Variants in BARX2 observed in about 807,000 individuals in gnomAD.
BARX2 encodes the protein BARX homeobox 2.
A neutral mutation model predicts 25.5 loss-of-function variants in BARX2; 11 were observed. The ratio of observed to expected loss-of-function variants is 0.43; its 90% CI spans 0.27 to 0.71. The LOEUF (loss-of-function observed/expected upper bound fraction) is 0.71, where lower values mean the gene tolerates loss of function less well. Among genes scored for constraint, BARX2 ranks in the 30% least tolerant of loss-of-function variants. BARX2 has a pLI of 0.19. For synonymous variants in BARX2, 137 were observed against 149.5 expected (o/e 0.92, Z 0.61); for missense variants, 360 against 359.9 (o/e 1.00, Z 0.00).
In BARX2 at chr11:129,451,433, T is replaced by TG. The variant is rs1862400249; in HGVS notation, c.*35dup. 1.3e-6 allele frequency: 2 copies of TG among 1,596,604 alleles called. No individual in the cohort carries two copies. Among genetic ancestry groups the TG allele is most frequent in the South Asian group, 2.2e-5 (2 of 89,680 alleles). On this transcript the variant is annotated 3_prime_UTR_variant, in exon 4 of 4. Transcript: ENST00000281437. ...AACCCTTTTGAGGGAAGAGGGAGAC[T>TG]GGGGAGAAGGGAAAAGAGAGAAGGC... is the stretch of plus-strand genomic sequence containing the variant.
At chr11:129,449,885 G>A (rs1294916604) in intron 3 of BARX2, among the ~76,000 whole-genome samples, 2 of 152,154 alleles carry the variant, frequency 1.3e-5, no homozygotes, top group African/African-American at 2.4e-5. Context: ...TAGGGCACAC[G>A]GCAGAGGGCA....
At chr11:129,398,798 A>G (rs749109808) in intron 1 of BARX2, among the ~76,000 whole-genome samples, 4 of 152,196 alleles carry the variant, frequency 2.6e-5, no homozygotes, top group Non-Finnish European at 5.9e-5. Context: ...CATTGTTAGT[A>G]AAAGCTAAGT....
chr11:129,377,046 A>G (rs553432737), intron 1 of BARX2, among the ~76,000 whole-genome samples: 1 of 152,376 alleles, frequency 6.6e-6, no homozygotes, highest in East Asian at 1.9e-4. Context: ...CGGCATTGTT[A>G]GGATTTAGGT....
intron 1 of BARX2, among the ~76,000 whole-genome samples, chr11:129,385,804 C>T (rs1861611782): frequency 6.6e-6 from 1 of 152,166 alleles, no homozygotes; most frequent in African/African-American, 2.4e-5. Context: ...TGAAATTTTT[C>T]ATAACATGAA....
At chr11:129,397,882 C>T (rs1231605423) in intron 1 of BARX2, among the ~76,000 whole-genome samples, 3 of 152,204 alleles carry the variant, frequency 2.0e-5, no homozygotes, top group Non-Finnish European at 4.4e-5. Flanking sequence ...CTAGCAGAGG[C>T]AGAACATTTC....
At chr11:129,401,782 C>A (rs1187167579) in intron 1 of BARX2, among the ~76,000 whole-genome samples, 3 of 151,994 alleles carry the variant, frequency 2.0e-5, no homozygotes, top group Non-Finnish European at 4.4e-5. Flanking sequence ...ATGGTGAAAC[C>A]CCGTCTCTGC....
chr11:129,394,879 G>T (rs1432940170), intron 1 of BARX2, among the ~76,000 whole-genome samples: 1 of 151,160 alleles, frequency 6.6e-6, no homozygotes, highest in East Asian at 1.9e-4. Context: ...ATAATCTGCA[G>T]AGCTGTGCAA....
intron 1 of BARX2, among the ~76,000 whole-genome samples, chr11:129,399,097 A>G (rs1271994073): frequency 2.0e-5 from 3 of 152,218 alleles, no homozygotes; most frequent in African/African-American, 7.2e-5. Flanking sequence ...GACTACCTAT[A>G]TGATGGTCCC....
At chr11:129,425,945 A>G (rs1862057175) in intron 1 of BARX2, among the ~76,000 whole-genome samples, 1 of 151,286 alleles carries the variant, frequency 6.6e-6, no homozygotes, top group African/African-American at 2.4e-5. Flanking sequence ...TGGATTTTAG[A>G]ATAAATTTAT....
intron 1 of BARX2, among the ~76,000 whole-genome samples, chr11:129,385,152 T>C (rs753758743): frequency 6.6e-5 from 10 of 152,118 alleles, no homozygotes; most frequent in Non-Finnish European, 2.9e-5. Flanking sequence ...ACAAAATCGG[T>C]TGATGACAAG....
At chr11:129,386,991 G>A (rs1861622359) in intron 1 of BARX2, among the ~76,000 whole-genome samples, 2 of 152,348 alleles carry the variant, frequency 1.3e-5, no homozygotes, top group East Asian at 1.9e-4. Context: ...TGCTAAGCAC[G>A]AGGACTGTGC....
intron 1 of BARX2, among the ~76,000 whole-genome samples, chr11:129,417,332 A>T (rs988623821): frequency 3.3e-5 from 5 of 152,158 alleles, no homozygotes; most frequent in African/African-American, 1.2e-4. Flanking sequence ...ACTCAGCTCC[A>T]TTCCCCAGGA....
intron 1 of BARX2, among the ~76,000 whole-genome samples, chr11:129,417,851 C>T (rs772049330): frequency 9.9e-5 from 15 of 152,152 alleles, no homozygotes; most frequent in South Asian, 2.1e-4. Flanking sequence ...TTGTCATTTT[C>T]GTAAGTTTCT....
chr11:129,398,069 A>G (rs1360591602), intron 1 of BARX2, among the ~76,000 whole-genome samples: 5 of 152,238 alleles, frequency 3.3e-5, no homozygotes, highest in Non-Finnish European at 7.3e-5. Context: ...TCTCAACTGC[A>G]TCTTTAGAAG....
chr11:129,437,257 G>C, intron 2 of BARX2: 1 of 606,348 alleles, frequency 1.6e-6, no homozygotes, highest in Non-Finnish European at 2.5e-6. Context: ...GCCTGCCTGC[G>C]GCTAAACTTA....
At chr11:129,414,359 A>G (rs1861921963) in intron 1 of BARX2, among the ~76,000 whole-genome samples, 1 of 151,740 alleles carries the variant, frequency 6.6e-6, no homozygotes, top group African/African-American at 2.4e-5. Flanking sequence ...TGGCTTATCT[A>G]AGAGCTACCG....
chr11:129,394,303 C>A (rs917123486), intron 1 of BARX2, among the ~76,000 whole-genome samples: 1 of 152,034 alleles, frequency 6.6e-6, no homozygotes, highest in Non-Finnish European at 1.5e-5. Flanking sequence ...ATGGGCTTTG[C>A]GGTTGTTTTT....
Position 129,451,238 on chromosome 11 carries a change from AGCCAGGCCCAGG to A in BARX2, c.678_689del (p.Ala228_Gln231del). 1.9e-6 allele frequency: 3 copies of A among 1,614,196 alleles called. No homozygotes were observed. Among genetic ancestry groups the A allele is most frequent in the Non-Finnish European group, 2.5e-6 (3 of 1,180,042 alleles). On this transcript the variant is annotated inframe_deletion, in exon 4 of 4. Coordinates refer to ENST00000281437, the MANE Select transcript of BARX2 (RefSeq NM_003658.5). ...GATTGAAGCTGAAGAGAAGATGAAC[AGCCAGGCCCAGG>A]GTCAGGAGCAGCTGGAGCCCTCTCA...
chr11:129,389,238 G>A (rs551738971), intron 1 of BARX2, among the ~76,000 whole-genome samples: 2 of 152,298 alleles, frequency 1.3e-5, no homozygotes, highest in Non-Finnish European at 2.9e-5. Context: ...TCTTACAATA[G>A]TAACCTCATC....
Sources: gnomAD v4.1 joint callset for allele counts (sites outside exome capture counted in the v4.1 genomes callset) on GRCh38, gnomAD v4.1.1 for gene constraint, MANE v1.5 for transcripts, NCBI Gene and HGNC (gene_info 2026-07-23, HGNC 2026-07-21) for gene names.